Variants in RBFOX1 observed in about 807,000 individuals in gnomAD.
RBFOX1 encodes the protein RNA binding protein fox-1 homolog 1.
In RBFOX1, 8 loss-of-function variants were observed where a neutral mutation model predicts 57.7. The observed-to-expected ratio is 0.14, with a 90% confidence interval of 0.08 to 0.25. The LOEUF (loss-of-function observed/expected upper bound fraction) is 0.25, where lower values mean the gene tolerates loss of function less well. Ranked by LOEUF, RBFOX1 falls within the 10% of genes least tolerant of loss-of-function variation. RBFOX1 has a pLI of 1.00. For synonymous variants in RBFOX1, 326 were observed against 222.4 expected (o/e 1.47, Z -4.15); for missense variants, 611 against 548.5 (o/e 1.11, Z -1.14).
rs538040602 is a variant in RBFOX1 at position 6,604,942 on chromosome 16, C to G, written c.-63-49661C>G. Among the ~76,000 whole-genome samples, 3 of 152,034 alleles carry G rather than the reference C, an allele frequency of 2.0e-5. 1 individual carries two copies. In the South Asian group the frequency reaches 6.2e-4, roughly 32 times the overall value. ...CTTGAGCCCAGAATTTGAGACCAGC[C>G]TGGGCGACATGGCAAAACCTCATCT... On this transcript the variant is annotated intron_variant, in intron 2 of 15. Transcript: ENST00000550418.
At chr16:5,847,209 A>G (rs765883136) in intron 3 of RBFOX1, among the ~76,000 whole-genome samples, 4 of 152,202 alleles carry the variant, frequency 2.6e-5, no homozygotes, top group South Asian at 2.1e-4. Flanking sequence ...TAGGAAACAC[A>G]TGAGCATTTT....
chr16:7,263,685 C>T (rs1045161239), intron 4 of RBFOX1, among the ~76,000 whole-genome samples: 12 of 152,094 alleles, frequency 7.9e-5, no homozygotes, highest in East Asian at 7.8e-4. Flanking sequence ...TACATGAGGT[C>T]AGGAGTTCGA....
intron 2 of RBFOX1, among the ~76,000 whole-genome samples, chr16:6,523,141 C>T (rs144940465): frequency 1.3e-5 from 2 of 152,074 alleles, no homozygotes; most frequent in South Asian, 4.1e-4. Context: ...CCAACTGGAA[C>T]GTAGGTAGCA....
chr16:6,395,058 G>A (rs940723140), intron 2 of RBFOX1, among the ~76,000 whole-genome samples: 5 of 152,158 alleles, frequency 3.3e-5, no homozygotes, highest in Admixed American at 3.3e-4. Flanking sequence ...GGTGGTATAG[G>A]CAATATTCTG....
chr16:5,299,318 T>G (rs1476751110), intron 1 of RBFOX1, among the ~76,000 whole-genome samples: 3 of 152,216 alleles, frequency 2.0e-5, no homozygotes, highest in African/African-American at 7.2e-5. Flanking sequence ...GAATGCATAC[T>G]TTATAATTTG....
chr16:6,305,816 G>T (rs1258036000), intron 1 of RBFOX1, among the ~76,000 whole-genome samples: 1 of 151,946 alleles, frequency 6.6e-6, no homozygotes, highest in Non-Finnish European at 1.5e-5. Context: ...CACCAAGTGG[G>T]TATGACTTCC....
intron 2 of RBFOX1, among the ~76,000 whole-genome samples, chr16:6,473,939 A>G (rs2153084307): frequency 6.6e-6 from 1 of 152,308 alleles, no homozygotes; most frequent in African/African-American, 2.4e-5. Context: ...TTTCTGAGCC[A>G]GTGGATTTTT....
intron 2 of RBFOX1, among the ~76,000 whole-genome samples, chr16:5,508,204 C>G (rs564662472): frequency 8.0e-4 from 122 of 152,342 alleles, no homozygotes; most frequent in African/African-American, 2.7e-3. Flanking sequence ...TTCTGAGTCT[C>G]ACAGACTGCA....
intron 4 of RBFOX1, among the ~76,000 whole-genome samples, chr16:7,196,217 G>C (rs573846061): frequency 6.6e-6 from 1 of 152,278 alleles, no homozygotes; most frequent in South Asian, 2.1e-4. Context: ...TGGTAATAAT[G>C]ATTCCGTTAA....
intron 5 of RBFOX1, among the ~76,000 whole-genome samples, chr16:7,567,158 T>TATATATCCATATATATCCCTATATAA (rs2091904470): frequency 6.8e-6 from 1 of 146,808 alleles, no homozygotes; most frequent in African/African-American, 2.5e-5. Flanking sequence ...TCCCTATATA[T>TATATATCCATATATATCCCTATATAA]ATATCCATAT....
chr16:7,126,299 G>T, intron 4 of RBFOX1: 1 of 317,944 alleles, frequency 3.1e-6, no homozygotes, highest in African/African-American at 2.2e-5. Context: ...CTCCTTACAT[G>T]GGCTTTGGTG....
At chr16:6,256,175 A>ATATGTATATATG (rs1555582266) in intron 1 of RBFOX1, among the ~76,000 whole-genome samples, 1 of 28,324 alleles carries the variant, frequency 3.5e-5, no homozygotes, top group African/African-American at 8.6e-5. Flanking sequence ...ATATATGTAT[A>ATATGTATATATG]TATATATATA....
chr16:5,553,419 C>T (rs2151088135), intron 2 of RBFOX1, among the ~76,000 whole-genome samples: 1 of 151,902 alleles, frequency 6.6e-6, no homozygotes. Context: ...AGGTTCATGC[C>T]ATTCTCCCGC....
chr16:6,822,769 A>C (rs939119487), intron 3 of RBFOX1, among the ~76,000 whole-genome samples: 2 of 152,164 alleles, frequency 1.3e-5, no homozygotes, highest in African/African-American at 4.8e-5. Context: ...AGAAGAACCT[A>C]TGGGACAAGC....
At chr16:6,794,996 A>G (rs2083685089) in intron 3 of RBFOX1, among the ~76,000 whole-genome samples, 1 of 152,180 alleles carries the variant, frequency 6.6e-6, no homozygotes, top group African/African-American at 2.4e-5. Flanking sequence ...GCTAAAATTC[A>G]CATCTCCTGA....
chr16:6,329,614 A>G (rs549235882), intron 2 of RBFOX1, among the ~76,000 whole-genome samples: 2 of 152,298 alleles, frequency 1.3e-5, no homozygotes, highest in South Asian at 4.1e-4. Context: ...TGTCTGGGTT[A>G]TATTTACAAC....
intron 4 of RBFOX1, among the ~76,000 whole-genome samples, chr16:7,499,005 G>A (rs6500976): frequency 1 from 152,105 of 152,326 alleles, 75,942 homozygotes; most frequent in Middle Eastern, 1. Context: ...GAAGTAGACA[G>A]TGACATCACT....
In RBFOX1 at chr16:6,772,549, G is replaced by C. The variant is rs539050341; in HGVS notation, c.-16+117899G>C. Among the ~76,000 whole-genome samples the C allele has an allele frequency of 3.3e-5, 5 of 151,516 alleles. No individual in the cohort carries two copies. In the East Asian group the frequency reaches 9.7e-4, roughly 30 times the overall value. On this transcript the variant is annotated intron_variant, in intron 3 of 15. Coordinates refer to ENST00000550418, the MANE Select transcript of RBFOX1 (RefSeq NM_018723.4). Reference sequence around the variant, plus strand: ...GTATGGGGCGCATTTGTGAGTGTATGTGTATGTGTGGGGTGCATTTGTGTG... The same window carrying C: ...GTATGGGGCGCATTTGTGAGTGTATCTGTATGTGTGGGGTGCATTTGTGTG...
Position 7,405,157 on chromosome 16 carries a change from A to G in RBFOX1, c.28-112990A>G, listed in dbSNP as rs564073091. ...AATCTCCAGTGAGGCTGCAGTTGCA[A>G]TTTATTTCCTCATTCTAGCAAGAAA... On this transcript the variant is annotated intron_variant, in intron 4 of 15. Coordinates refer to ENST00000550418, the MANE Select transcript of RBFOX1 (RefSeq NM_018723.4). 7.2e-5 allele frequency among the ~76,000 whole-genome samples: 11 copies of G among 152,274 alleles called. No homozygotes were observed. In the South Asian group the frequency reaches 1.0e-3, roughly 14 times the overall value.
Sources: allele counts gnomAD v4.1 joint callset (sites outside exome capture counted in the v4.1 genomes callset), GRCh38; gene constraint gnomAD v4.1.1; transcripts MANE v1.5; gene names NCBI Gene and HGNC (gene_info 2026-07-23, HGNC 2026-07-21).